The following OSBPL11 variants were observed in gnomAD, a reference collection of about 807,000 sequenced individuals.
OSBPL11 encodes the protein oxysterol binding protein like 11.
In OSBPL11, 33 loss-of-function variants were observed where a neutral mutation model predicts 84.4. That is an observed-to-expected ratio of 0.39 (90% confidence interval 0.30 to 0.52). The LOEUF is 0.52. OSBPL11 is among the 20% of genes least tolerant of loss of function. OSBPL11 has a pLI of 0.72. For synonymous variants in OSBPL11, 276 were observed against 310.2 expected, an observed-to-expected ratio of 0.89 and a Z score of 1.16; for missense variants, 736 against 901.1, an observed-to-expected ratio of 0.82 and a Z score of 2.35.
intron 10 of OSBPL11, among the ~76,000 whole-genome samples, chr3:125,541,883 C>T (rs1206050913): frequency 6.6e-6 from 1 of 152,122 alleles, no homozygotes; most frequent in Non-Finnish European, 1.5e-5. Context: ...GTACCCGGCC[C>T]CCAAATCTTG....
chr3:125,573,617 C>T (rs563129112), intron 5 of OSBPL11, among the ~76,000 whole-genome samples: 127 of 152,226 alleles, frequency 8.3e-4, no homozygotes, highest in African/African-American at 2.9e-3. Flanking sequence ...AATCCCAGCA[C>T]TTTGGGAGGC....
chr3:125,560,456 G>C lies in OSBPL11; in HGVS notation c.1078C>G (p.Leu360Val). 1 of 1,608,694 alleles carries C rather than the reference G, an allele frequency of 6.2e-7. No individual in the cohort carries two copies. The highest frequency in any genetic ancestry group is 8.5e-7 in the Non-Finnish European group (1 of 1,176,994). The stretch of plus-strand genomic sequence containing the variant: ...CTACGTTGTTCTTCTACAGCTCCCA[G>C]GTCATCCTCTTTGTGGTCACATGTA... ...EDTCDHKEDD[L>V]GAVEEQRSVI... Residue 360 changes from leucine to valine, a missense_variant, in exon 8 of 13, where the codon CTG (leucine) becomes GTG (valine). Leu to Val is a conservative substitution (Grantham distance 32). Coordinates refer to ENST00000296220, the MANE Select transcript of OSBPL11 (RefSeq NM_022776.5).
Position 125,547,599 on chromosome 3 carries a change from G to A in OSBPL11, c.1655-7C>T. The A allele has an allele frequency of 8.9e-6, 14 of 1,578,462 alleles. No individual in the cohort carries two copies. The highest frequency in any genetic ancestry group is 1.2e-5 in the Non-Finnish European group (14 of 1,160,702). The stretch of plus-strand genomic sequence containing the variant: ...TCCAACAGACTAAGGATACCTGAAT[G>A]TGAAAACATGAGGGTGGTTAACATC... On this transcript the variant is annotated splice_region_variant and splice_polypyrimidine_tract_variant and intron_variant, in intron 9 of 12. Coordinates refer to ENST00000296220, the MANE Select transcript of OSBPL11 (RefSeq NM_022776.5).
chr3:125,560,310 G>A (rs1383366163), intron 8 of OSBPL11, 69 bp downstream of exon 8: 1 of 1,262,902 alleles, frequency 7.9e-7, no homozygotes. Context: ...AAAAAGTCCT[G>A]ACATAAACAT....
intron 10 of OSBPL11, among the ~76,000 whole-genome samples, chr3:125,542,783 T>G (rs1935752017): frequency 2.6e-5 from 4 of 152,160 alleles, no homozygotes. Context: ...GTTCTGGGAT[T>G]ACAGGCGTGA....
At chr3:125,574,244 A>T (rs1025266245) in intron 5 of OSBPL11, among the ~76,000 whole-genome samples, 2 of 151,462 alleles carry the variant, frequency 1.3e-5, no homozygotes, top group Admixed American at 6.6e-5. Flanking sequence ...TGGTCACTGT[A>T]TTCTTTACCT....
At position 125,576,276 on chromosome 3, in the gene OSBPL11, A is replaced by C. The variant is rs1328755854; in HGVS notation, c.579T>G (p.Ile193Met). 3.1e-6 allele frequency: 5 copies of C among 1,611,164 alleles called. No individual in the cohort carries two copies. Among genetic ancestry groups the C allele is most frequent in the Admixed American group, 1.7e-5 (1 of 59,284 alleles). Residue 193 changes from isoleucine to methionine, a missense_variant, in exon 5 of 13, where the codon ATT (isoleucine) becomes ATG (methionine). By Grantham distance (10) the Ile-to-Met change is conservative. Coordinates refer to ENST00000296220, the MANE Select transcript of OSBPL11 (RefSeq NM_022776.5). ...TGGAATGTCCAACATTAAAAAAAGA[A>C]ATGGCATTTTGACTTGGTCTCCTCT... ...ISQRRPSQNAISFFNVGHSKL... is the reference protein window; with the variant it reads ...ISQRRPSQNAMSFFNVGHSKL...
chr3:125,534,331 C>A (rs963858533), intron 11 of OSBPL11, among the ~76,000 whole-genome samples: 1 of 151,324 alleles, frequency 6.6e-6, no homozygotes, highest in Admixed American at 6.6e-5. Flanking sequence ...TGCAGTGAGC[C>A]GAGACTGCAT....
At chr3:125,581,908 A>G (rs1052608919) in intron 2 of OSBPL11, among the ~76,000 whole-genome samples, 25 of 151,860 alleles carry the variant, frequency 1.6e-4, no homozygotes, top group Non-Finnish European at 5.9e-5. Context: ...CCCGAGGTGG[A>G]GGTTACAGTG....
At chr3:125,587,782 A>C (rs1048929903) in intron 1 of OSBPL11, among the ~76,000 whole-genome samples, 6 of 152,110 alleles carry the variant, frequency 3.9e-5, no homozygotes, top group Admixed American at 3.9e-4. Flanking sequence ...TACAAAAAAA[A>C]TTAAAAATTA....
chr3:125,592,808 A>C (rs776130391), intron 1 of OSBPL11, among the ~76,000 whole-genome samples: 3 of 152,116 alleles, frequency 2.0e-5, no homozygotes, highest in Non-Finnish European at 2.9e-5. Flanking sequence ...TAAAAAACAC[A>C]TATGTAGATG....
chr3:125,563,697 C>T lies in OSBPL11; in HGVS notation c.1014+1G>A, dbSNP rs1414631226. The T allele has an allele frequency of 6.2e-7, 1 of 1,613,742 alleles. No individual in the cohort carries two copies. Among genetic ancestry groups the T allele is most frequent in the Non-Finnish European group, 8.5e-7 (1 of 1,179,900 alleles). ...AAAATCATATTTTTATATTACCTTA[C>T]CCTCGCTAATAGTCCAGATTCTGCA... On this transcript the variant is annotated splice_donor_variant, in intron 7 of 12. Coordinates refer to ENST00000296220, the MANE Select transcript of OSBPL11 (RefSeq NM_022776.5). LOFTEE classifies it high-confidence loss of function.
chr3:125,578,142 G>A (rs1936359297), intron 4 of OSBPL11, among the ~76,000 whole-genome samples: 1 of 151,976 alleles, frequency 6.6e-6, no homozygotes, highest in African/African-American at 2.4e-5. Context: ...ACCAATTGAT[G>A]GATTAAAAAA....
intron 11 of OSBPL11, among the ~76,000 whole-genome samples, chr3:125,533,834 A>G (rs1319793346): frequency 1.3e-5 from 2 of 152,234 alleles, no homozygotes; most frequent in African/African-American, 4.8e-5. Flanking sequence ...CAATCTCAAT[A>G]ACTAAACTCA....
intron 10 of OSBPL11, among the ~76,000 whole-genome samples, chr3:125,546,153 A>G (rs930841380): frequency 1.4e-5 from 2 of 145,030 alleles, no homozygotes; most frequent in East Asian, 4.0e-4. Flanking sequence ...AGGAAAGTCT[A>G]TTTCGTTTTT....
intron 2 of OSBPL11, among the ~76,000 whole-genome samples, chr3:125,581,096 AT>A (rs145570813): frequency 0.16 from 23,881 of 146,444 alleles, 2,632 homozygotes; most frequent in African/African-American, 0.33. Flanking sequence ...TAGTGTAATA[AT>A]TTTTTTTTTT....
intron 11 of OSBPL11, among the ~76,000 whole-genome samples, chr3:125,533,457 T>A (rs991857722): frequency 1.3e-5 from 2 of 152,110 alleles, no homozygotes; most frequent in African/African-American, 4.8e-5. Flanking sequence ...ACTCCTGACC[T>A]CAAATGACCC....
chr3:125,567,559 T>G lies in OSBPL11; in HGVS notation c.703A>C (p.Ile235Leu). 1 of 1,614,192 alleles carries G rather than the reference T, an allele frequency of 6.2e-7. No individual in the cohort carries two copies. Among genetic ancestry groups the G allele is most frequent in the East Asian group, 2.2e-5 (1 of 44,888 alleles). Residue 235 changes from isoleucine to leucine, a missense_variant, in exon 6 of 13, where the codon ATT becomes CTT. Physicochemically the swap from Ile to Leu is conservative, Grantham distance 5. Transcript: ENST00000296220. Reference sequence around the variant, plus strand: ...GTAGGAAGGCATTCAATTCGTCTAATTAAGTCTCTTTGTTGTCCTTCAGCA... The same window carrying G: ...GTAGGAAGGCATTCAATTCGTCTAAGTAAGTCTCTTTGTTGTCCTTCAGCA... ...SHAEGQQRDL[I>L]RRIECLPTSG... is the part of the protein sequence containing the mutation.
intron 5 of OSBPL11, among the ~76,000 whole-genome samples, chr3:125,575,009 AG>A (rs1483951212): frequency 6.6e-6 from 1 of 152,212 alleles, no homozygotes; most frequent in African/African-American, 2.4e-5. Context: ...ATAGTAACAA[AG>A]AATAGCCACA....
Sources: gnomAD v4.1 joint callset for allele counts (sites outside exome capture counted in the v4.1 genomes callset) on GRCh38, gnomAD v4.1.1 for gene constraint, MANE v1.5 for transcripts, NCBI Gene and HGNC (gene_info 2026-07-23, HGNC 2026-07-21) for gene names.